PLXNA1: variants seen among roughly 807,000 people sequenced by gnomAD.
PLXNA1 encodes the protein plexin A1, also known as plexin-A1.
PLXNA1 carries 77 observed loss-of-function variants against 191.7 expected under a neutral mutation model. That is an observed-to-expected ratio of 0.40 (90% confidence interval 0.33 to 0.49). PLXNA1 has a LOEUF of 0.49. Among genes scored for constraint, PLXNA1 ranks in the 20% least tolerant of loss-of-function variants. The probability of loss-of-function intolerance (pLI) is 0.63; values close to 1 mark genes in which losing one functional copy is unlikely to be tolerated. For missense variants in PLXNA1, 2,110 were observed against 2,660.2 expected (o/e 0.79, Z 4.55); for synonymous variants, 1,137 against 1,156.4 (o/e 0.98, Z 0.34).
Position 127,027,979 on chromosome 3 carries a change from A to G in PLXNA1, c.4402A>G (p.Ile1468Val). Residue 1468 changes from isoleucine to valine, a missense_variant, in exon 24 of 32, where the codon ATC becomes GTC. Coordinates refer to ENST00000393409, the MANE Select transcript of PLXNA1 (RefSeq NM_032242.4). ...GEPLFMLYCA[I>V]KQQMEKGPID... is the part of the protein sequence containing the mutation. ...GCCGCTGTTCATGCTGTACTGCGCC[A>G]TCAAGCAGCAGATGGAGAAGGGCCC... The G allele has an allele frequency of 6.2e-7, 1 of 1,613,790 alleles. No homozygotes were observed. Among genetic ancestry groups the G allele is most frequent in the South Asian group, 1.1e-5 (1 of 91,074 alleles).
At position 126,989,554 on chromosome 3, in the gene PLXNA1, G is replaced by A. The variant is rs148851222; in HGVS notation, c.961G>A (p.Gly321Ser). ...GCAGGATGCCTACCTGAGCCGGCCC[G>A]GCCGTGCCCTGGCCCACCAGCTGGG... ...LVQDAYLSRP[G>S]RALAHQLGLA... is the part of the protein sequence containing the mutation. Residue 321 changes from glycine (G) to serine (S), a missense_variant, in exon 2 of 32, where the codon GGC becomes AGC. Around this residue, in one of 4 missense-constraint regions of PLXNA1, gnomAD observed 903 missense variants for 1,015.7 expected, o/e 0.89. Coordinates refer to ENST00000393409, the MANE Select transcript of PLXNA1 (RefSeq NM_032242.4). 11 of 1,613,116 alleles carry A rather than the reference G, an allele frequency of 6.8e-6. No individual in the cohort carries two copies. Among genetic ancestry groups the A allele is most frequent in the Middle Eastern group, 1.6e-4 (1 of 6,084 alleles).
chr3:127,027,933 C>T lies in PLXNA1; in HGVS notation c.4363-7C>T, dbSNP rs769475990. ...CTGGCTGCAGCCTCATGCCGCCACC[C>T]CCGCAGGAGTGCGCTGGGGAGCCGC... On this transcript the variant is annotated splice_polypyrimidine_tract_variant and splice_region_variant and intron_variant, in intron 23 of 31. Coordinates refer to ENST00000393409, the MANE Select transcript of PLXNA1 (RefSeq NM_032242.4). 6.2e-6 allele frequency: 10 copies of T among 1,613,144 alleles called. No homozygotes were observed. Among genetic ancestry groups the T allele is most frequent in the Non-Finnish European group, 8.5e-6 (10 of 1,179,926 alleles).
chr3:127,005,199 G>T lies in PLXNA1; in HGVS notation c.1853G>T (p.Arg618Leu), dbSNP rs116047844. ...SVLEDGRIHCRSPSAREVAPI... is the reference protein window; with the variant it reads ...SVLEDGRIHCLSPSAREVAPI... The stretch of plus-strand genomic sequence containing the variant: ...CTGGAGGATGGCCGGATCCACTGCC[G>T]CTCACCCTCCGCCCGGGAGGTGGCG... The change falls in exon 7 of 32, where the codon CGC (arginine) becomes CTC (leucine). Residue 618 changes from arginine (R) to leucine (L), a missense_variant. Arg to Leu is a moderately radical substitution (Grantham distance 102). Around this residue, in one of 4 missense-constraint regions of PLXNA1, gnomAD observed 903 missense variants for 1,015.7 expected, o/e 0.89. Transcript: ENST00000393409. 6.2e-7 allele frequency: 1 copy of T among 1,611,794 alleles called. No homozygotes were observed.
rs1018149725 is a variant in PLXNA1, at chr3:127,035,226, T to C, written c.*1209T>C. The C allele has an allele frequency of 1.3e-5, 2 of 152,148 alleles. No homozygotes were observed. Among genetic ancestry groups the C allele is most frequent in the African/African-American group, 4.8e-5 (2 of 41,438 alleles). The allele number at this position is 152,148 out of a possible 1,614,324, so 9.4% of individuals were successfully genotyped here. On this transcript the variant is annotated 3_prime_UTR_variant, in exon 32 of 32. Transcript: ENST00000393409. ...TGCATTCTTAAAAGAAAGCTGTACA[T>C]GTATATATATGCATATATATATATG... is the stretch of plus-strand genomic sequence containing the variant.
chr3:127,021,348 C>G (rs928913668), intron 21 of PLXNA1, among the ~76,000 whole-genome samples: 17 of 152,206 alleles, frequency 1.1e-4, no homozygotes, highest in African/African-American at 3.9e-4. Context: ...CATTACCTGT[C>G]TGCCTGATAC....
chr3:127,014,664 G>A (rs776774184), intron 13 of PLXNA1, 35 bp downstream of exon 13: 73 of 1,610,866 alleles, frequency 4.5e-5, no homozygotes, highest in South Asian at 1.1e-4. Context: ...GGGGCGGGAC[G>A]GGACGGGGCG....
At chr3:126,989,819 G>A (rs999745710) in intron 2 of PLXNA1, 32 bp downstream of exon 2, 21 of 1,543,860 alleles carry the variant, frequency 1.4e-5, no homozygotes, top group Middle Eastern at 1.8e-4. Context: ...CTCCTCCCGC[G>A]GCCCCATCCC....
In PLXNA1 at chr3:127,017,428, T is replaced by C; in HGVS notation, c.3280T>C (p.Cys1094Arg). 6.2e-7 allele frequency: 1 copy of C among 1,612,234 alleles called. No individual in the cohort carries two copies. Among genetic ancestry groups the C allele is most frequent in the Non-Finnish European group, 8.5e-7 (1 of 1,179,580 alleles). The change falls in exon 18 of 32, where the codon TGC becomes CGC. Residue 1094 changes from cysteine to arginine, a missense_variant. Cys to Arg is a radical substitution (Grantham distance 180). Coordinates refer to ENST00000393409, the MANE Select transcript of PLXNA1 (RefSeq NM_032242.4). ...KYGGIERENG[C>R]LVYNDTTMVC... is the part of the protein sequence containing the mutation. ...CATCCCCACCCTGTGTCTCCAGGGC[T>C]GCCTGGTGTACAATGACACCACCAT... is the stretch of plus-strand genomic sequence containing the variant.
At chr3:127,003,976 G>A (rs1001889069) in intron 4 of PLXNA1, among the ~76,000 whole-genome samples, 1 of 152,246 alleles carries the variant, frequency 6.6e-6, no homozygotes, top group Middle Eastern at 3.2e-3. Context: ...CTTGCCTGGA[G>A]TCCACCCCTG....
At chr3:127,020,160 G>T (rs757045062) in intron 20 of PLXNA1, 42 bp from the exon 21 acceptor site, 10 of 1,605,198 alleles carry the variant, frequency 6.2e-6, no homozygotes, top group East Asian at 2.2e-5. Context: ...ATGGAGCGGG[G>T]CCACCAGGGC....
chr3:126,991,484 A>G lies in PLXNA1; in HGVS notation c.1295A>G (p.Asp432Gly). The change falls in exon 3 of 32, where the codon GAT becomes GGT. Residue 432 changes from aspartate to glycine, a missense_variant. Asp to Gly is a moderately conservative substitution (Grantham distance 94, BLOSUM62 -1). This residue lies in a region of PLXNA1 where 903 missense variants were observed against 1,015.7 expected (regional missense o/e 0.89). Coordinates refer to ENST00000393409, the MANE Select transcript of PLXNA1 (RefSeq NM_032242.4). ...EGTPLFVDKD[D>G]GLTAVAAYDY... The stretch of plus-strand genomic sequence containing the variant: ...ACGCCCCTGTTCGTGGACAAGGATG[A>G]TGGCCTGACCGCCGTGGCTGCCTAT... The G allele has an allele frequency of 6.2e-7, 1 of 1,612,668 alleles. No homozygotes were observed. The highest frequency in any genetic ancestry group is 8.5e-7 in the Non-Finnish European group (1 of 1,179,748).
intron 8 of PLXNA1, among the ~76,000 whole-genome samples, chr3:127,007,186 G>A (rs2079073563): frequency 6.6e-6 from 1 of 152,152 alleles, no homozygotes; most frequent in African/African-American, 2.4e-5. Flanking sequence ...AGGAGATGGA[G>A]GTGGTGTCTT....
Position 127,005,148 on chromosome 3 carries a change from A to G in PLXNA1, c.1802A>G (p.Glu601Gly), listed in dbSNP as rs1168498744. The change falls in exon 7 of 32, where the codon GAG becomes GGG. Residue 601 changes from glutamate to glycine, a missense_variant. By Grantham distance (98) the Glu-to-Gly change is moderately conservative. Around this residue, in one of 4 missense-constraint regions of PLXNA1, gnomAD observed 903 missense variants for 1,015.7 expected, o/e 0.89. Coordinates refer to ENST00000393409, the MANE Select transcript of PLXNA1 (RefSeq NM_032242.4). ...TCAGCTGGCGTCAACTGCTCCTTCGAGGACTTCACGGAATCTGAGAGCGTC... is the reference window on the plus strand; with the variant it reads ...TCAGCTGGCGTCAACTGCTCCTTCGGGGACTTCACGGAATCTGAGAGCGTC... Reference protein sequence around the residue: ...DLSAGVNCSFEDFTESESVLE... With the variant: ...DLSAGVNCSFGDFTESESVLE... The G allele has an allele frequency of 1.2e-6, 2 of 1,612,686 alleles. No homozygotes were observed. Among genetic ancestry groups the G allele is most frequent in the Non-Finnish European group, 1.7e-6 (2 of 1,179,932 alleles).
At chr3:126,983,915 C>G (rs987504452) in intron 1 of PLXNA1, among the ~76,000 whole-genome samples, 4 of 152,256 alleles carry the variant, frequency 2.6e-5, no homozygotes, top group East Asian at 3.9e-4. Context: ...AGCGGCTTCC[C>G]GACCACAGCT....
At chr3:127,022,368 G>T in intron 22 of PLXNA1, 27 bp downstream of exon 22, 1 of 1,598,668 alleles carries the variant, frequency 6.3e-7, no homozygotes, top group Non-Finnish European at 8.5e-7. Context: ...CTGGGGTTGG[G>T]GGAGGCAGGC....
rs1426163933 is a variant in PLXNA1, at chr3:127,014,728, G to A, written c.2774G>A (p.Gly925Glu). Reference sequence around the variant, plus strand: ...GCCCACAGGATCGTCTGTGAGATCGGGGACGCCAGCTCCGTGCGTGCCCAT... The same window carrying A: ...GCCCACAGGATCGTCTGTGAGATCGAGGACGCCAGCTCCGTGCGTGCCCAT... Reference protein sequence around the residue: ...ISAEQIVCEIGDASSVRAHDA... With the variant: ...ISAEQIVCEIEDASSVRAHDA... Residue 925 changes from glycine (G) to glutamate (E), a missense_variant, in exon 14 of 32, where the codon GGG (glycine) becomes GAG (glutamate). Physicochemically the swap from Gly to Glu is moderately conservative, Grantham distance 98. Transcript: ENST00000393409. The A allele has an allele frequency of 6.2e-7, 1 of 1,611,798 alleles. No homozygotes were observed. The highest frequency in any genetic ancestry group is 8.5e-7 in the Non-Finnish European group (1 of 1,179,712).
At chr3:127,018,149 C>T in intron 19 of PLXNA1, 145 bp from the exon 20 acceptor site, 1 of 884,396 alleles carries the variant, frequency 1.1e-6, no homozygotes, top group South Asian at 1.7e-5. Flanking sequence ...GTCCCAGTGT[C>T]TCCACCCTGG....
Position 127,005,209 on chromosome 3 carries a change from C to T in PLXNA1, c.1863C>T (p.Ser621=), listed in dbSNP as rs534632249. 2.4e-5 allele frequency: 39 copies of T among 1,611,368 alleles called. 1 individual carries two copies. The highest frequency in any genetic ancestry group is 3.3e-4 in the Middle Eastern group (2 of 6,060). The part of the protein sequence containing the change: ...EDGRIHCRSP[S]AREVAPITRG... Reference sequence around the variant, plus strand: ...GCCGGATCCACTGCCGCTCACCCTCCGCCCGGGAGGTGGCGCCCATCACGC... The same window carrying T: ...GCCGGATCCACTGCCGCTCACCCTCTGCCCGGGAGGTGGCGCCCATCACGC... Residue 621 remains serine (S), a synonymous_variant, in exon 7 of 32, where the codon TCC becomes TCT. Transcript: ENST00000393409.
intron 29 of PLXNA1, among the ~76,000 whole-genome samples, chr3:127,031,487 G>T (rs1395311892): frequency 6.6e-6 from 1 of 152,070 alleles, no homozygotes; most frequent in East Asian, 1.9e-4. Flanking sequence ...TCCTGCTGGG[G>T]TCTCCCCCCA....
Sources: allele counts gnomAD v4.1 joint callset (sites outside exome capture counted in the v4.1 genomes callset), GRCh38; gene constraint gnomAD v4.1.1; regional missense constraint gnomAD v4.1.1; transcripts MANE v1.5; gene names NCBI Gene and HGNC (gene_info 2026-07-23, HGNC 2026-07-21).